The following GMDS variants were observed in gnomAD, a reference collection of about 807,000 sequenced individuals.
GMDS encodes GDP-mannose 4,6-dehydratase, also known as GDP-mannose 4,6 dehydratase.
GMDS carries 20 observed loss-of-function variants against 49.9 expected under a neutral mutation model. That is an observed-to-expected ratio of 0.40 (90% CI 0.28 to 0.58). The LOEUF is 0.58. Among genes scored for constraint, GMDS ranks in the 20% least tolerant of loss-of-function variants. The pLI is 0.42. For missense variants in GMDS, 362 were observed against 481.4 expected (o/e 0.75, Z 2.32); for synonymous variants, 177 against 178.6 (o/e 0.99, Z 0.07).
intron 1 of GMDS, among the ~76,000 whole-genome samples, chr6:2,238,788 CAT>C (rs998735626): frequency 6.6e-6 from 1 of 152,124 alleles, no homozygotes; most frequent in African/African-American, 2.4e-5. Flanking sequence ...ACTTTACAAA[CAT>C]GTACCAAAAT....
intron 7 of GMDS, among the ~76,000 whole-genome samples, chr6:1,786,274 C>T (rs947293529): frequency 6.6e-6 from 1 of 152,182 alleles, no homozygotes; most frequent in Admixed American, 6.5e-5. Flanking sequence ...TAACTGTGAT[C>T]CAGAAAGATG....
chr6:1,884,897 T>C (rs555074834), intron 7 of GMDS, among the ~76,000 whole-genome samples: 52 of 152,332 alleles, frequency 3.4e-4, no homozygotes, highest in South Asian at 2.1e-4. Context: ...CCAAGATTTA[T>C]CTATTTCAGT....
intron 7 of GMDS, among the ~76,000 whole-genome samples, chr6:1,876,023 A>AAAAG (rs1759035307): frequency 6.6e-6 from 1 of 151,440 alleles, no homozygotes; most frequent in Admixed American, 6.6e-5. Flanking sequence ...CTCAAAAAAA[A>AAAAG]AAAAGAAAAG....
chr6:1,922,210 T>A (rs1021926418), intron 7 of GMDS, among the ~76,000 whole-genome samples: 2 of 152,216 alleles, frequency 1.3e-5, no homozygotes, highest in African/African-American at 4.8e-5. Context: ...ACAGGAACGA[T>A]GTTGTTAAGA....
chr6:2,192,273 G>T (rs1218829359), intron 1 of GMDS, among the ~76,000 whole-genome samples: 1 of 152,102 alleles, frequency 6.6e-6, no homozygotes, highest in Non-Finnish European at 1.5e-5. Flanking sequence ...GGACACCCTG[G>T]CTATGGAGAG....
rs76841216 is a variant in GMDS at position 1,910,745 on chromosome 6, G to A, written c.771+19358C>T. 8.5e-5 allele frequency among the ~76,000 whole-genome samples: 13 copies of A among 152,252 alleles called. No individual in the cohort carries two copies. The East Asian group carries it at 2.5e-3, about 29-fold the overall frequency. On this transcript the variant is annotated intron_variant, in intron 7 of 10. Coordinates refer to ENST00000380815, the MANE Select transcript of GMDS (RefSeq NM_001500.4). Reference sequence around the variant, plus strand: ...AGCCTCAGTCTGAGGAAAGTGTAGGGATAAGACTGAATATTCCATCTAGAG... The same window carrying A: ...AGCCTCAGTCTGAGGAAAGTGTAGGAATAAGACTGAATATTCCATCTAGAG...
intron 9 of GMDS, among the ~76,000 whole-genome samples, chr6:1,668,793 A>G (rs1764316864): frequency 6.6e-6 from 1 of 152,364 alleles, no homozygotes; most frequent in Admixed American, 6.5e-5. Context: ...TAAGGGGAAG[A>G]AAACAATGCT....
At chr6:1,888,032 T>C (rs9392341) in intron 7 of GMDS, among the ~76,000 whole-genome samples, 70,964 of 151,706 alleles carry the variant, frequency 0.47, 19,107 homozygotes, top group Non-Finnish European at 0.61. Context: ...GTCTGCAGCC[T>C]TGACCGCCTG....
chr6:1,924,325 G>A (rs544858859), intron 7 of GMDS, among the ~76,000 whole-genome samples: 3 of 152,178 alleles, frequency 2.0e-5, no homozygotes, highest in African/African-American at 7.2e-5. Context: ...CACCCCTAAC[G>A]ATCCTCACGT....
chr6:2,085,284 A>G (rs938592822), intron 4 of GMDS, among the ~76,000 whole-genome samples: 2 of 151,588 alleles, frequency 1.3e-5, no homozygotes, highest in African/African-American at 4.8e-5. Context: ...GGTTATTTTC[A>G]TTATTTTCTC....
chr6:2,174,702 G>A (rs1778187607), intron 1 of GMDS, among the ~76,000 whole-genome samples: 1 of 152,082 alleles, frequency 6.6e-6, no homozygotes, highest in Non-Finnish European at 1.5e-5. Flanking sequence ...CGAGTAGCTA[G>A]GACTGCAGGC....
chr6:1,726,442 G>C lies in GMDS; in HGVS notation c.961C>G (p.Leu321Val), dbSNP rs1366206643. ...ACTTCAGTTGGCCGGTAGTACTTGA[G>C]ATCCACAGTCACGTGAACTTTGCCG... ...ETGKVHVTVD[L>V]KYYRPTEVDF... is the part of the protein sequence containing the mutation. Residue 321 changes from leucine to valine, a missense_variant, in exon 9 of 11, where the codon CTC becomes GTC. Coordinates refer to ENST00000380815, the MANE Select transcript of GMDS (RefSeq NM_001500.4). The C allele has an allele frequency of 3.7e-6, 6 of 1,613,194 alleles. No homozygotes were observed. Among genetic ancestry groups the C allele is most frequent in the Non-Finnish European group, 5.1e-6 (6 of 1,179,184 alleles).
intron 1 of GMDS, 68 bp downstream of exon 1, chr6:2,245,253 A>T: frequency 9.4e-7 from 1 of 1,065,780 alleles, no homozygotes. Context: ...GCCCACGAGT[A>T]GCGGCGCGTA....
chr6:1,957,973 G>A (rs1414297605), intron 6 of GMDS, among the ~76,000 whole-genome samples: 4 of 151,674 alleles, frequency 2.6e-5, no homozygotes, highest in African/African-American at 9.7e-5. Flanking sequence ...TGGCTGATTC[G>A]TTTTTTATTT....
At chr6:1,870,923 T>C (rs940420395) in intron 7 of GMDS, among the ~76,000 whole-genome samples, 3 of 152,122 alleles carry the variant, frequency 2.0e-5, no homozygotes, top group South Asian at 2.1e-4. Context: ...AAATGCCAGA[T>C]AGGTGTCTGG....
chr6:2,192,596 T>C (rs2127570181), intron 1 of GMDS, among the ~76,000 whole-genome samples: 1 of 152,342 alleles, frequency 6.6e-6, no homozygotes, highest in South Asian at 2.1e-4. Flanking sequence ...TCCAAGCTTC[T>C]GGGAGCCATT....
intron 6 of GMDS, among the ~76,000 whole-genome samples, chr6:1,943,167 C>A (rs950021073): frequency 1.4e-4 from 21 of 152,182 alleles, no homozygotes; most frequent in African/African-American, 4.8e-4. Flanking sequence ...TGTGCAGACC[C>A]CCCAGCATGC....
At chr6:1,683,613 G>A (rs2317964) in intron 9 of GMDS, among the ~76,000 whole-genome samples, 34,459 of 152,116 alleles carry the variant, frequency 0.23, 4,140 homozygotes, top group East Asian at 0.49. Flanking sequence ...TCAAGGATGA[G>A]GATCGGTTAT....
At chr6:1,854,719 C>T in intron 7 of GMDS, among the ~76,000 whole-genome samples, 1 of 152,228 alleles carries the variant, frequency 6.6e-6, no homozygotes, top group East Asian at 1.9e-4. Context: ...AGATGGGCCA[C>T]ATTCATGAGC....
Sources: allele counts gnomAD v4.1 joint callset (sites outside exome capture counted in the v4.1 genomes callset), GRCh38; gene constraint gnomAD v4.1.1; transcripts MANE v1.5; gene names NCBI Gene and HGNC (gene_info 2026-07-23, HGNC 2026-07-21).